The following ARHGEF6 variants were observed in gnomAD, a reference collection of about 807,000 sequenced individuals.
The protein encoded by ARHGEF6 is rho guanine nucleotide exchange factor 6.
A neutral mutation model predicts 70.3 loss-of-function variants in ARHGEF6; 9 were observed. The observed-to-expected ratio is 0.13, with a 90% CI of 0.08 to 0.22. The LOEUF (loss-of-function observed/expected upper bound fraction) is 0.22. ARHGEF6 is among the 10% of genes least tolerant of loss of function. The probability of loss-of-function intolerance (pLI) is 1.00; values close to 1 mark genes in which losing one functional copy is unlikely to be tolerated. For missense variants in ARHGEF6, 470 were observed against 563.0 expected, an observed-to-expected ratio of 0.83 and a Z score of 1.67; for synonymous variants, 201 against 207.8, an observed-to-expected ratio of 0.97 and a Z score of 0.28.
At chrX:136,693,570 T>C (rs969730883) in intron 9 of ARHGEF6, among the ~76,000 whole-genome samples, 10 of 112,385 alleles carry the variant, frequency 8.9e-5, no homozygotes, top group Non-Finnish European at 1.9e-4. Context: ...TAAAATGTTC[T>C]GTATATGTGA....
At chrX:136,732,059 A>T in intron 6 of ARHGEF6, 43 bp downstream of exon 6, 1 of 1,059,870 alleles carries the variant, frequency 9.4e-7, no homozygotes, top group Non-Finnish European at 1.3e-6. Context: ...AAAAAGTTCC[A>T]TATAGAGTCA....
chrX:136,767,294 A>T, intron 2 of ARHGEF6: 4 of 754,590 alleles, frequency 5.3e-6, no homozygotes, highest in South Asian at 6.7e-5. Context: ...AGATCAACCC[A>T]GCCGGAGCTG....
At position 136,763,036 on chromosome X, in the gene ARHGEF6, A is replaced by G. The variant is rs2077278822; in HGVS notation, c.250-15444T>C. On this transcript the variant is annotated intron_variant, in intron 2 of 21. Transcript: ENST00000250617. ...GCCTGACACCACATCAAAAGTCCCC[A>G]GAGAGTTATGTGTTTGGGGGTCTGC... is the stretch of plus-strand genomic sequence containing the variant. Among the ~76,000 whole-genome samples, 3 of 112,097 alleles carry G rather than the reference A, an allele frequency of 2.7e-5. No homozygotes were observed. In the East Asian group the frequency reaches 8.4e-4, roughly 31 times the overall value.
intron 19 of ARHGEF6, 34 bp from the exon 20 acceptor site, chrX:136,672,153 G>A (rs756864804): frequency 9.6e-7 from 1 of 1,036,424 alleles, no homozygotes; most frequent in South Asian, 1.9e-5. Context: ...GGGGAGGAGG[G>A]AGAGTTACTA....
At chrX:136,683,362 C>CT (rs200442059) in intron 12 of ARHGEF6, among the ~76,000 whole-genome samples, 8,839 of 107,881 alleles carry the variant, frequency 0.082, 735 homozygotes, top group African/African-American at 0.25. Flanking sequence ...GATACACTTT[C>CT]TTTTTTTTTT....
chrX:136,745,323 C>T lies in ARHGEF6; in HGVS notation c.359G>A (p.Gly120Glu). 1 of 1,211,426 alleles carries T rather than the reference C, an allele frequency of 8.3e-7. No individual in the cohort carries two copies. Among genetic ancestry groups the T allele is most frequent in the Non-Finnish European group, 1.1e-6 (1 of 895,195 alleles). The change falls in exon 4 of 22, where the codon GGA becomes GAA. Residue 120 changes from glycine (G) to glutamate (E), a missense_variant. Gly to Glu is a moderately conservative substitution (Grantham distance 98). This residue lies in a region of ARHGEF6 where 379 missense variants were observed against 449.3 expected (regional missense o/e 0.84). Coordinates refer to ENST00000250617, the MANE Select transcript of ARHGEF6 (RefSeq NM_004840.3). Reference protein sequence around the residue: ...TEDQLSERPCGRSSSLSAANT... With the variant: ...TEDQLSERPCERSSSLSAANT... ...AGCAGCACTAAGAGAAGAGGAACGTCCACATGGTCTTTCTGATAGCTGATC... is the reference window on the plus strand; with the variant it reads ...AGCAGCACTAAGAGAAGAGGAACGTTCACATGGTCTTTCTGATAGCTGATC...
chrX:136,745,317 G>A lies in ARHGEF6; in HGVS notation c.365C>T (p.Ser122Phe). The change falls in exon 4 of 22, where the codon TCC becomes TTC. Residue 122 changes from serine to phenylalanine, a missense_variant. Coordinates refer to ENST00000250617, the MANE Select transcript of ARHGEF6 (RefSeq NM_004840.3). ...AGTATTAGCAGCACTAAGAGAAGAG[G>A]AACGTCCACATGGTCTTTCTGATAG... ...DQLSERPCGR[S>F]SSLSAANTSQ... 6 of 1,211,410 alleles carry A rather than the reference G, an allele frequency of 5.0e-6. No individual in the cohort carries two copies. The highest frequency in any genetic ancestry group is 6.7e-6 in the Non-Finnish European group (6 of 895,125).
At chrX:136,682,896 G>A (rs775797043) in intron 12 of ARHGEF6, 52 bp from the exon 13 acceptor site, 15 of 992,167 alleles carry the variant, frequency 1.5e-5, no homozygotes, top group Non-Finnish European at 7.2e-6. Flanking sequence ...CACTTTATCT[G>A]TTGAGAATTT....
chrX:136,727,395 T>TCTCTC (rs2076875302), intron 6 of ARHGEF6, among the ~76,000 whole-genome samples: 3 of 53,615 alleles, frequency 5.6e-5, no homozygotes, highest in Admixed American at 2.0e-4. Flanking sequence ...CTTTCTTTCT[T>TCTCTC]TCTCTCTCTC....
At chrX:136,704,086 C>T (rs2076603029) in intron 9 of ARHGEF6, among the ~76,000 whole-genome samples, 1 of 111,984 alleles carries the variant, frequency 8.9e-6, no homozygotes, top group South Asian at 3.7e-4. Context: ...GAAAAGATAG[C>T]TAACTGAATT....
rs1416507900 is a variant in ARHGEF6, at chrX:136,680,790, C to T, written c.1645G>A (p.Gly549Arg). 3.3e-6 allele frequency: 4 copies of T among 1,211,342 alleles called. No individual in the cohort carries two copies. The Admixed American group carries it at 8.7e-5, about 26-fold the overall frequency. The change falls in exon 15 of 22, where the codon GGA becomes AGA. Residue 549 changes from glycine (G) to arginine (R), a missense_variant. Physicochemically the swap from Gly to Arg is moderately radical, Grantham distance 125 (BLOSUM62 -2). Transcript: ENST00000250617. ...WLEQLNRLIR[G>R]PASCSSLSKT... ...GATAATGAACTGCAAGAGGCAGGTC[C>T]TCTGATCAGTCTGTTCAGCTGCTCC...
At chrX:136,682,312 C>A (rs1423629230) in intron 13 of ARHGEF6, among the ~76,000 whole-genome samples, 1 of 112,055 alleles carries the variant, frequency 8.9e-6, no homozygotes, top group Non-Finnish European at 1.9e-5. Context: ...GCAATAGTAA[C>A]TTATAATACT....
At chrX:136,770,337 C>A (rs1215897009) in intron 2 of ARHGEF6, among the ~76,000 whole-genome samples, 2 of 112,149 alleles carry the variant, frequency 1.8e-5, no homozygotes, top group Non-Finnish European at 3.8e-5. Flanking sequence ...GTAGAAAAAG[C>A]ATTTGACAAA....
Position 136,667,950 on chromosome X carries a change from G to T in ARHGEF6, c.*79C>A. On this transcript the variant is annotated 3_prime_UTR_variant, in exon 22 of 22. Transcript: ENST00000250617. Reference sequence around the variant, plus strand: ...AACACAAAACAAAAGCCAAAGAAGTGAGCAAACTGAGTCAAATCATTCAGC... The same window carrying T: ...AACACAAAACAAAAGCCAAAGAAGTTAGCAAACTGAGTCAAATCATTCAGC... 8.6e-7 allele frequency: 1 copy of T among 1,157,014 alleles called. No homozygotes were observed. Among genetic ancestry groups the T allele is most frequent in the Non-Finnish European group, 1.2e-6 (1 of 847,799 alleles).
chrX:136,674,920 C>T (rs185192546), intron 19 of ARHGEF6, 87 bp downstream of exon 19: 3 of 871,369 alleles, frequency 3.4e-6, no homozygotes, highest in Non-Finnish European at 3.4e-6. Context: ...TGCAACCCAT[C>T]CGGGTTGCTT....
intron 5 of ARHGEF6, among the ~76,000 whole-genome samples, chrX:136,736,294 G>C (rs779144317): frequency 1.0e-3 from 113 of 112,098 alleles, no homozygotes; most frequent in Non-Finnish European, 1.9e-3. Flanking sequence ...AATTGTATAA[G>C]TGGCTAATTT....
intron 2 of ARHGEF6, among the ~76,000 whole-genome samples, chrX:136,764,931 C>A (rs1295506737): frequency 8.9e-6 from 1 of 112,102 alleles, no homozygotes; most frequent in Non-Finnish European, 1.9e-5. Flanking sequence ...AATGTACAGC[C>A]ATGTCTGAAA....
chrX:136,743,980 A>G (rs771016796), intron 4 of ARHGEF6, among the ~76,000 whole-genome samples, 194 bp from the exon 5 acceptor site: 1 of 112,082 alleles, frequency 8.9e-6, no homozygotes, highest in African/African-American at 3.2e-5. Flanking sequence ...CAGTATGTAA[A>G]CTTTGGCATT....
intron 6 of ARHGEF6, among the ~76,000 whole-genome samples, chrX:136,716,429 C>A (rs2076737872): frequency 9.0e-6 from 1 of 111,633 alleles, no homozygotes; most frequent in African/African-American, 3.3e-5. Context: ...TCCAGGGACA[C>A]AAGCTCATTA....
Sources: allele counts gnomAD v4.1 joint callset (sites outside exome capture counted in the v4.1 genomes callset), GRCh38; gene constraint gnomAD v4.1.1; regional missense constraint gnomAD v4.1.1; transcripts MANE v1.5; gene names NCBI Gene and HGNC (gene_info 2026-07-23, HGNC 2026-07-21).